The following CACNA2D3 variants were observed in gnomAD, a reference collection of about 807,000 sequenced individuals.
CACNA2D3 encodes the protein calcium voltage-gated channel auxiliary subunit alpha2delta 3.
CACNA2D3 carries 60 observed loss-of-function variants against 160.6 expected under a neutral mutation model. The observed-to-expected ratio is 0.37, with a 90% CI of 0.30 to 0.46. The LOEUF (loss-of-function observed/expected upper bound fraction) is 0.46, where lower values mean the gene tolerates loss of function less well. Ranked by LOEUF, CACNA2D3 falls within the 20% of genes least tolerant of loss-of-function variation. The pLI is 1.00. For missense variants in CACNA2D3, 1,205 were observed against 1,365.0 expected (o/e 0.88, Z 1.85); for synonymous variants, 558 against 492.9 (o/e 1.13, Z -1.75).
At chr3:54,691,312 T>C (rs1007470653) in intron 11 of CACNA2D3, among the ~76,000 whole-genome samples, 3 of 152,192 alleles carry the variant, frequency 2.0e-5, no homozygotes, top group Admixed American at 1.3e-4. Flanking sequence ...CCCCAAGATA[T>C]TCTGGTCAAA....
intron 11 of CACNA2D3, among the ~76,000 whole-genome samples, chr3:54,722,774 C>G (rs908527852): frequency 4.6e-5 from 7 of 152,152 alleles, no homozygotes; most frequent in African/African-American, 9.7e-5. Flanking sequence ...AGGCTTCGTC[C>G]CAGAGGGGCA....
chr3:54,827,516 T>C (rs778243916), intron 14 of CACNA2D3, among the ~76,000 whole-genome samples: 5 of 152,228 alleles, frequency 3.3e-5, no homozygotes, highest in African/African-American at 4.8e-5. Context: ...GCTAAGCACA[T>C]TGCAGTGTTC....
chr3:54,810,395 G>A (rs972339672), intron 13 of CACNA2D3, among the ~76,000 whole-genome samples: 3 of 152,156 alleles, frequency 2.0e-5, no homozygotes, highest in Non-Finnish European at 4.4e-5. Flanking sequence ...CTTGGCATAG[G>A]TTTTAGAGTT....
At chr3:54,306,818 G>A (rs1258140914) in intron 2 of CACNA2D3, among the ~76,000 whole-genome samples, 1 of 152,208 alleles carries the variant, frequency 6.6e-6, no homozygotes, top group African/African-American at 2.4e-5. Context: ...TACTGTGTGT[G>A]TTAATTTCCT....
intron 18 of CACNA2D3, 131 bp downstream of exon 18, chr3:54,871,753 C>T: frequency 1.5e-6 from 1 of 673,508 alleles, no homozygotes. Flanking sequence ...GACGTGGAGA[C>T]AAGGGGCCTT....
chr3:54,648,251 A>G (rs1699691564), intron 11 of CACNA2D3, among the ~76,000 whole-genome samples: 1 of 152,248 alleles, frequency 6.6e-6, no homozygotes, highest in Non-Finnish European at 1.5e-5. Flanking sequence ...ATGTTCAAAG[A>G]AACAGTATTT....
At chr3:54,969,345 C>T (rs200748848) in intron 28 of CACNA2D3, among the ~76,000 whole-genome samples, 1 of 151,028 alleles carries the variant, frequency 6.6e-6, no homozygotes, top group Admixed American at 6.6e-5. Flanking sequence ...CTGCACCCTC[C>T]ACCTCCCTGG....
chr3:54,962,707 G>T (rs371359111), intron 27 of CACNA2D3, among the ~76,000 whole-genome samples: 2 of 152,178 alleles, frequency 1.3e-5, no homozygotes, highest in Non-Finnish European at 2.9e-5. Context: ...GGAATTCACT[G>T]ATGGTGGCAG....
At chr3:54,319,370 A>G (rs1033596871) in intron 2 of CACNA2D3, among the ~76,000 whole-genome samples, 1 of 152,196 alleles carries the variant, frequency 6.6e-6, no homozygotes, top group African/African-American at 2.4e-5. Context: ...TCTAGAGCTG[A>G]GATGAGATGT....
chr3:54,277,598 C>T (rs1702775991), intron 2 of CACNA2D3, among the ~76,000 whole-genome samples: 1 of 152,126 alleles, frequency 6.6e-6, no homozygotes. Flanking sequence ...TTAGGATTGC[C>T]TTGGCTCTAC....
At chr3:54,595,617 G>T (rs9853840) in intron 9 of CACNA2D3, among the ~76,000 whole-genome samples, 2 of 152,152 alleles carry the variant, frequency 1.3e-5, no homozygotes, top group Non-Finnish European at 2.9e-5. Context: ...GCACCCATGC[G>T]TCACCTGAGC....
chr3:54,687,375 C>T (rs1700485676), intron 11 of CACNA2D3, among the ~76,000 whole-genome samples: 1 of 149,146 alleles, frequency 6.7e-6, no homozygotes. Flanking sequence ...ATGGTCTAGA[C>T]TCCTGACCTC....
intron 13 of CACNA2D3, among the ~76,000 whole-genome samples, chr3:54,777,802 A>G (rs1702451337): frequency 1.3e-5 from 2 of 152,232 alleles, no homozygotes; most frequent in South Asian, 4.1e-4. Flanking sequence ...AGCAGGGACC[A>G]GTGGGAAACA....
At chr3:54,802,063 T>C (rs1334908926) in intron 13 of CACNA2D3, among the ~76,000 whole-genome samples, 1 of 152,220 alleles carries the variant, frequency 6.6e-6, no homozygotes, top group Non-Finnish European at 1.5e-5. Flanking sequence ...ACCCTGTTTT[T>C]ATCTTATCTT....
chr3:55,001,263 T>A (rs901979219), intron 31 of CACNA2D3, among the ~76,000 whole-genome samples: 11 of 152,214 alleles, frequency 7.2e-5, no homozygotes, highest in African/African-American at 2.7e-4. Flanking sequence ...GCATTGTCTA[T>A]GCCAATGAGC....
intron 4 of CACNA2D3, among the ~76,000 whole-genome samples, chr3:54,403,742 C>A (rs1053855936): frequency 6.6e-6 from 1 of 151,932 alleles, no homozygotes; most frequent in Non-Finnish European, 1.5e-5. Flanking sequence ...AATTAACAAA[C>A]CCTTAGCTAG....
intron 4 of CACNA2D3, among the ~76,000 whole-genome samples, chr3:54,458,006 A>G (rs1215668321): frequency 6.6e-6 from 1 of 151,978 alleles, no homozygotes; most frequent in Admixed American, 6.6e-5. Flanking sequence ...GGCAGCATAT[A>G]GTTGGGTTGT....
At chr3:54,608,789 A>T (rs79320111) in intron 9 of CACNA2D3, among the ~76,000 whole-genome samples, 1 of 152,232 alleles carries the variant, frequency 6.6e-6, no homozygotes, top group Non-Finnish European at 1.5e-5. Context: ...TGCACAATCT[A>T]TTGAAGAAAT....
intron 2 of CACNA2D3, among the ~76,000 whole-genome samples, chr3:54,299,745 A>G (rs149482264): frequency 1.2e-3 from 183 of 152,356 alleles, no homozygotes; most frequent in African/African-American, 4.1e-3. Context: ...CCCCCGGGGA[A>G]AAGGATTAAC....
Sources: allele counts gnomAD v4.1 joint callset (sites outside exome capture counted in the v4.1 genomes callset), GRCh38; gene constraint gnomAD v4.1.1; transcripts MANE v1.5; gene names NCBI Gene and HGNC (gene_info 2026-07-23, HGNC 2026-07-21).